CLTCL1: variants seen among roughly 807,000 people sequenced by gnomAD.
CLTCL1 encodes clathrin heavy chain like 1, also known as clathrin heavy chain 2.
CLTCL1 carries 159 observed loss-of-function variants against 190.0 expected under a neutral mutation model. The observed-to-expected ratio is 0.84, with a 90% CI of 0.74 to 0.95. CLTCL1 has a LOEUF of 0.95. CLTCL1 is among the 40% of genes least tolerant of loss of function. The pLI, the probability that CLTCL1 is intolerant of heterozygous loss-of-function variation, is 0.00. For synonymous variants in CLTCL1, 752 were observed against 769.6 expected (o/e 0.98, Z 0.38); for missense variants, 1,878 against 2,033.4 (o/e 0.92, Z 1.47).
chr22:19,196,652 C>T lies in CLTCL1; in HGVS notation c.3878G>A (p.Arg1293His), dbSNP rs200802426. The change falls in exon 25 of 33, where the codon CGT becomes CAT. Residue 1293 changes from arginine to histidine, a missense_variant. Arg to His is a conservative substitution (Grantham distance 29, BLOSUM62 0). Transcript: ENST00000427926. ...CAAGATCAGCTCCTCAAAGTAGCCACGATCCTAGCAGACCAACAGCCACGC... is the reference window on the plus strand; with the variant it reads ...CAAGATCAGCTCCTCAAAGTAGCCATGATCCTAGCAGACCAACAGCCACGC... Reference protein sequence around the residue: ...LEELMCYYQDRGYFEELILLL... With the variant: ...LEELMCYYQDHGYFEELILLL... 12 of 1,612,078 alleles carry T rather than the reference C, an allele frequency of 7.4e-6. No individual in the cohort carries two copies. The highest frequency in any genetic ancestry group is 1.7e-5 in the Admixed American group (1 of 59,760).
chr22:19,258,411 C>A (rs900304069), intron 2 of CLTCL1: 21 of 403,858 alleles, frequency 5.2e-5, no homozygotes, highest in African/African-American at 3.9e-4. Flanking sequence ...ACTCACAGAG[C>A]TGAGATGTCC....
chr22:19,199,814 C>G lies in CLTCL1; in HGVS notation c.3793G>C (p.Glu1265Gln), dbSNP rs1239081635. The G allele has an allele frequency of 1.9e-6, 3 of 1,596,688 alleles. No homozygotes were observed. The highest frequency in any genetic ancestry group is 4.5e-5 in the East Asian group (2 of 44,252). The change falls in exon 24 of 33, where the codon GAG becomes CAG. Residue 1265 changes from glutamate to glutamine, a missense_variant. Transcript: ENST00000427926. ...CCACACAGCTGTGCGAAGCGGAACT[C>G]TTGTCCATCCATGCAGGCAAAGCAC... ...EVCFACMDGQ[E>Q]FRFAQLCGLH...
intron 4 of CLTCL1, among the ~76,000 whole-genome samples, chr22:19,242,556 A>C (rs2086288961): frequency 6.6e-6 from 1 of 150,808 alleles, no homozygotes; most frequent in African/African-American, 2.4e-5. Flanking sequence ...GGCCTCCCAA[A>C]GTGTTGGATT....
At chr22:19,197,592 A>G (rs2084751909) in intron 24 of CLTCL1, among the ~76,000 whole-genome samples, 1 of 151,672 alleles carries the variant, frequency 6.6e-6, no homozygotes, top group Non-Finnish European at 1.5e-5. Context: ...CATTTTTTCT[A>G]CTTCCTTTTG....
intron 6 of CLTCL1, 116 bp downstream of exon 6, chr22:19,235,580 A>T: frequency 1.0e-6 from 1 of 953,884 alleles, no homozygotes; most frequent in Non-Finnish European, 1.6e-6. Context: ...GTTTAAGTTT[A>T]ATAACAGGAA....
chr22:19,276,953 T>G (rs1457756601), intron 1 of CLTCL1, among the ~76,000 whole-genome samples: 2 of 152,224 alleles, frequency 1.3e-5, no homozygotes, highest in African/African-American at 4.8e-5. Context: ...ATTACAGGCG[T>G]GAGCCACCGC....
chr22:19,257,762 G>T (rs782365425), intron 2 of CLTCL1: 10 of 1,390,738 alleles, frequency 7.2e-6, no homozygotes, highest in Non-Finnish European at 8.7e-6. Context: ...TCTAGAATGA[G>T]AAGGAGACCA....
chr22:19,190,890 G>A (rs567868184), intron 27 of CLTCL1, among the ~76,000 whole-genome samples: 1 of 151,410 alleles, frequency 6.6e-6, no homozygotes, highest in East Asian at 2.0e-4. Flanking sequence ...CCATTCTCCT[G>A]CCTCAGCCTC....
At chr22:19,224,194 T>C (rs1170203649) in intron 13 of CLTCL1, 140 bp from the exon 14 acceptor site, 2 of 809,472 alleles carry the variant, frequency 2.5e-6, no homozygotes, top group Non-Finnish European at 3.9e-6. Flanking sequence ...CAATATGCCA[T>C]TTGTCTGTTT....
Position 19,224,269 on chromosome 22 carries a change from T to C in CLTCL1, c.2129-215A>G, listed in dbSNP as rs180870546. On this transcript the variant is annotated intron_variant, in intron 13 of 32. Transcript: ENST00000427926. The stretch of plus-strand genomic sequence containing the variant: ...TTTGGCAGGTATACCTGGCATGTTT[T>C]GATGTAAAATACTAGATATTTGGTA... Among the ~76,000 whole-genome samples the C allele has an allele frequency of 1.6e-4, 24 of 152,308 alleles. No individual in the cohort carries two copies. In the East Asian group the frequency reaches 4.1e-3, roughly 26 times the overall value.
chr22:19,243,550 T>C (rs1555966578), intron 3 of CLTCL1, among the ~76,000 whole-genome samples: 1 of 151,940 alleles, frequency 6.6e-6, no homozygotes, highest in Non-Finnish European at 1.5e-5. Flanking sequence ...GCCAAGAAGT[T>C]TGAGGTTGCA....
Position 19,193,044 on chromosome 22 carries a change from G to A in CLTCL1, c.4192-1609C>T, listed in dbSNP as rs563471132. ...GGGACTCAAGTTCATCTTCTGTGGC[G>A]AATCACCTCCTCAAAGCCCCACCTG... On this transcript the variant is annotated intron_variant, in intron 26 of 32. Transcript: ENST00000427926. Among the ~76,000 whole-genome samples the A allele has an allele frequency of 5.9e-5, 9 of 152,314 alleles. No individual in the cohort carries two copies. In the East Asian group the frequency reaches 9.7e-4, roughly 16 times the overall value.
intron 32 of CLTCL1, 42 bp from the exon 33 acceptor site, chr22:19,180,011 C>T (rs980748124): frequency 7.6e-5 from 46 of 606,256 alleles, no homozygotes; most frequent in Middle Eastern, 4.4e-4. Context: ...CTCTTCCTGC[C>T]CATGGGGGTC....
At chr22:19,281,022 G>A (rs1282048341) in intron 1 of CLTCL1, among the ~76,000 whole-genome samples, 1 of 151,570 alleles carries the variant, frequency 6.6e-6, no homozygotes, top group Non-Finnish European at 1.5e-5. Context: ...CGGGCGCGGC[G>A]GCTCACACCT....
rs1426349537 is a variant in CLTCL1 at position 19,193,021 on chromosome 22, G to A, written c.4192-1586C>T. Among the ~76,000 whole-genome samples the A allele has an allele frequency of 2.6e-5, 4 of 152,210 alleles. No individual in the cohort carries two copies. The East Asian group carries it at 5.8e-4, about 22-fold the overall frequency. On this transcript the variant is annotated intron_variant, in intron 26 of 32. Coordinates refer to ENST00000427926, the MANE Select transcript of CLTCL1 (RefSeq NM_007098.4). ...ATGTGGGGCTGAAGAGAAGGGTAGGGACTCAAGTTCATCTTCTGTGGCGAA... is the reference window on the plus strand; with the variant it reads ...ATGTGGGGCTGAAGAGAAGGGTAGGAACTCAAGTTCATCTTCTGTGGCGAA...
At chr22:19,227,265 G>A (rs538330712) in intron 11 of CLTCL1, among the ~76,000 whole-genome samples, 1 of 150,272 alleles carries the variant, frequency 6.7e-6, no homozygotes, top group East Asian at 2.0e-4. Context: ...CAATTTTGAT[G>A]AGGCATAAAA....
rs529145411 is a variant in CLTCL1 at position 19,191,680 on chromosome 22, AC to A, written c.4192-246del. Among the ~76,000 whole-genome samples the A allele has an allele frequency of 5.9e-5, 9 of 152,212 alleles. No homozygotes were observed. The East Asian group carries it at 1.4e-3, about 23-fold the overall frequency. On this transcript the variant is annotated intron_variant, in intron 26 of 32. Transcript: ENST00000427926. ...TTTCCTGCCTCAACCCAGCACCTAG[AC>A]CAGTATCTGATGCAGGGTCCACGAT... is the stretch of plus-strand genomic sequence containing the variant.
At chr22:19,275,178 T>G (rs1339148742) in intron 2 of CLTCL1, among the ~76,000 whole-genome samples, 1 of 152,176 alleles carries the variant, frequency 6.6e-6, no homozygotes, top group Non-Finnish European at 1.5e-5. Context: ...CACCCAAGAC[T>G]CCCTGATTTC....
At position 19,235,738 on chromosome 22, in the gene CLTCL1, G is replaced by C. The variant is rs186349739; in HGVS notation, c.927C>G (p.His309Gln). The change falls in exon 6 of 33, where the codon CAC (histidine) becomes CAG (glutamine). Residue 309 changes from histidine (H) to glutamine (Q), a missense_variant. By Grantham distance (24) the His-to-Gln change is conservative. Coordinates refer to ENST00000427926, the MANE Select transcript of CLTCL1 (RefSeq NM_007098.4). ...CACCAATAATTCCAGAGGTTGGTTT[G>C]TGTGGAGCAGTGACAAATATTGTGT... ...SADTIFVTAP[H>Q]KPTSGIIGVN... 199 of 1,613,866 alleles carry C rather than the reference G, an allele frequency of 1.2e-4. No homozygotes were observed. The highest frequency in any genetic ancestry group is 1.5e-4 in the Admixed American group (9 of 59,992).
Sources: allele counts gnomAD v4.1 joint callset (sites outside exome capture counted in the v4.1 genomes callset), GRCh38; gene constraint gnomAD v4.1.1; transcripts MANE v1.5; gene names NCBI Gene and HGNC (gene_info 2026-07-23, HGNC 2026-07-21).